Variants in LRP6 observed in about 807,000 individuals in gnomAD.
LRP6 encodes low-density lipoprotein receptor-related protein 6.
In LRP6, 43 loss-of-function variants were observed where a neutral mutation model predicts 184.1. That is an observed-to-expected ratio of 0.23 (90% CI 0.18 to 0.30). LRP6 has a LOEUF of 0.30. Ranked by LOEUF, LRP6 falls within the 10% of genes least tolerant of loss-of-function variation. The probability of loss-of-function intolerance (pLI) is 1.00; values close to 1 mark genes in which losing one functional copy is unlikely to be tolerated. For missense variants in LRP6, 1,571 were observed against 2,005.3 expected, an observed-to-expected ratio of 0.78 and a Z score of 4.14; for synonymous variants, 719 against 684.9, an observed-to-expected ratio of 1.05 and a Z score of -0.78.
chr12:12,251,675 C>A (rs2135931261), intron 1 of LRP6, among the ~76,000 whole-genome samples: 1 of 152,254 alleles, frequency 6.6e-6, no homozygotes, highest in Admixed American at 6.5e-5. Context: ...GCCCATTAGT[C>A]TGCTTTTAAT....
At chr12:12,149,224 T>C in intron 13 of LRP6, 71 bp from the exon 14 acceptor site, 3 of 1,138,548 alleles carry the variant, frequency 2.6e-6, no homozygotes, top group South Asian at 1.2e-5. Context: ...TCAGTCACAA[T>C]GCTTACACCT....
intron 1 of LRP6, among the ~76,000 whole-genome samples, chr12:12,247,770 C>T (rs1439570486): frequency 6.6e-6 from 1 of 152,202 alleles, no homozygotes; most frequent in Non-Finnish European, 1.5e-5. Flanking sequence ...CACATACTTG[C>T]TCCCTGGAAC....
At chr12:12,225,094 AC>A (rs1305257630) in intron 2 of LRP6, among the ~76,000 whole-genome samples, 1 of 152,028 alleles carries the variant, frequency 6.6e-6, no homozygotes, top group Non-Finnish European at 1.5e-5. Context: ...AATCCCAGCT[AC>A]TTGGGAGGCT....
At chr12:12,194,275 G>A (rs550637870) in intron 3 of LRP6, among the ~76,000 whole-genome samples, 1 of 151,532 alleles carries the variant, frequency 6.6e-6, no homozygotes, top group Non-Finnish European at 1.5e-5. Flanking sequence ...AAAAAATAAA[G>A]CCAATACAGA....
intron 2 of LRP6, among the ~76,000 whole-genome samples, chr12:12,219,922 A>C (rs1272414409): frequency 6.6e-6 from 1 of 152,186 alleles, no homozygotes; most frequent in Non-Finnish European, 1.5e-5. Context: ...GACAGAAGCA[A>C]GCCCCATAAG....
At chr12:12,171,741 A>G (rs762603964) in intron 7 of LRP6, among the ~76,000 whole-genome samples, 8 of 152,138 alleles carry the variant, frequency 5.3e-5, no homozygotes, top group Non-Finnish European at 7.4e-5. Flanking sequence ...GTTTCCTTCC[A>G]TTACTTTTGT....
rs1949677617 is a variant in LRP6 at position 12,126,780 on chromosome 12, G to C, written c.4223C>G (p.Thr1408Ser). 1.2e-6 allele frequency: 2 copies of C among 1,614,002 alleles called. No homozygotes were observed. Among genetic ancestry groups the C allele is most frequent in the South Asian group, 2.2e-5 (2 of 91,076 alleles). The change falls in exon 20 of 23, where the codon ACT becomes AGT. Residue 1408 changes from threonine to serine, a missense_variant. Physicochemically the swap from Thr to Ser is moderately conservative, Grantham distance 58. Around this residue, in one of 4 missense-constraint regions of LRP6, gnomAD observed 763 missense variants for 859.5 expected, o/e 0.89. Coordinates refer to ENST00000261349, the MANE Select transcript of LRP6 (RefSeq NM_002336.3). Reference protein sequence around the residue: ...LCPRMKGDGETMTNDYVVHGP... With the variant: ...LCPRMKGDGESMTNDYVVHGP... Reference sequence around the variant, plus strand: ...ATGAACTACATAGTCATTAGTCATAGTTTCCCCATCTCCCTTCATACGTGG... The same window carrying C: ...ATGAACTACATAGTCATTAGTCATACTTTCCCCATCTCCCTTCATACGTGG...
chr12:12,149,184 A>T, intron 13 of LRP6, 31 bp from the exon 14 acceptor site: 1 of 1,572,152 alleles, frequency 6.4e-7, no homozygotes, highest in Non-Finnish European at 8.8e-7. Flanking sequence ...AGAGAAAATT[A>T]AACTCCAGGG....
intron 1 of LRP6, among the ~76,000 whole-genome samples, chr12:12,263,674 C>A (rs1043902163): frequency 6.6e-6 from 1 of 151,808 alleles, no homozygotes; most frequent in Admixed American, 6.6e-5. Context: ...AAAACTCTGG[C>A]TCTATAAAAA....
chr12:12,155,330 A>T (rs1950137294), intron 12 of LRP6: 1 of 758,594 alleles, frequency 1.3e-6, no homozygotes, highest in Non-Finnish European at 2.4e-6. Flanking sequence ...GAAAGCATGG[A>T]GTTGTTCCTT....
chr12:12,241,115 C>A (rs891548082), intron 2 of LRP6, among the ~76,000 whole-genome samples: 2 of 152,180 alleles, frequency 1.3e-5, no homozygotes, highest in Admixed American at 6.5e-5. Context: ...GATGTCTGCA[C>A]TAGTTCCCAG....
chr12:12,227,762 G>A (rs962130253), intron 2 of LRP6, among the ~76,000 whole-genome samples: 10 of 152,132 alleles, frequency 6.6e-5, no homozygotes, highest in African/African-American at 2.4e-4. Flanking sequence ...AATAGTAACA[G>A]CACAGTGTAG....
At chr12:12,216,500 A>G (rs1864348508) in intron 2 of LRP6, among the ~76,000 whole-genome samples, 1 of 152,158 alleles carries the variant, frequency 6.6e-6, no homozygotes, top group African/African-American at 2.4e-5. Context: ...AAGAATTGGT[A>G]ACTGATTAAA....
intron 4 of LRP6, among the ~76,000 whole-genome samples, chr12:12,186,287 C>T (rs927927126): frequency 1.9e-4 from 29 of 152,242 alleles, no homozygotes; most frequent in Admixed American, 5.9e-4. Flanking sequence ...CTCTTCTCCA[C>T]CTCTAAAAGC....
chr12:12,154,070 A>G (rs748884375), intron 12 of LRP6, among the ~76,000 whole-genome samples: 1 of 152,204 alleles, frequency 6.6e-6, no homozygotes, highest in Non-Finnish European at 1.5e-5. Context: ...CAATTTGCAC[A>G]AAGATGCCAC....
At position 12,119,988 on chromosome 12, in the gene LRP6, A is replaced by ATAT. The variant is rs1949574963; in HGVS notation, c.*1137_*1138insATA. On this transcript the variant is annotated 3_prime_UTR_variant, in exon 23 of 23. Transcript: ENST00000261349. ...TTACTCAGAAAACAAACAAACAAAC[A>ATAT]AAATATATATATATATATATATATA... 1.0e-4 allele frequency: 10 copies of ATAT among 97,038 alleles called. No individual in the cohort carries two copies. Among genetic ancestry groups the ATAT allele is most frequent in the African/African-American group, 2.0e-4 (5 of 25,446 alleles). The allele number at this position is 97,038 out of a possible 1,614,324, so 6.0% of individuals were successfully genotyped here.
rs550587604 is a variant in LRP6 at position 12,119,990 on chromosome 12, AATATATATATATAT to A, written c.*1122_*1135del. On this transcript the variant is annotated 3_prime_UTR_variant, in exon 23 of 23. Coordinates refer to ENST00000261349, the MANE Select transcript of LRP6 (RefSeq NM_002336.3). ...ACTCAGAAAACAAACAAACAAACAA[AATATATATATATAT>A]ATATATATATATATATATATATATA... 690 of 45,510 alleles carry A rather than the reference AATATATATATATAT, an allele frequency of 0.015. 14 individuals carry two copies. The highest frequency in any genetic ancestry group is 0.038 in the African/African-American group (401 of 10,562). 2.8% of individuals were successfully genotyped at this position (45,510 alleles called of 1,614,324 possible).
intron 19 of LRP6, among the ~76,000 whole-genome samples, chr12:12,130,297 C>G (rs1368592998): frequency 6.6e-6 from 1 of 151,742 alleles, no homozygotes; most frequent in Non-Finnish European, 1.5e-5. Context: ...AATGATTGTC[C>G]TGCTTCAGCC....
chr12:12,223,254 C>T (rs542333204), intron 2 of LRP6, among the ~76,000 whole-genome samples: 5 of 150,428 alleles, frequency 3.3e-5, no homozygotes, highest in African/African-American at 1.2e-4. Context: ...GGTCATTTAT[C>T]TGAGCCTCCC....
Sources: allele counts gnomAD v4.1 joint callset (sites outside exome capture counted in the v4.1 genomes callset), GRCh38; gene constraint gnomAD v4.1.1; regional missense constraint gnomAD v4.1.1; transcripts MANE v1.5; gene names NCBI Gene and HGNC (gene_info 2026-07-23, HGNC 2026-07-21).